Variants in ZNF169 observed in about 807,000 individuals in gnomAD.
ZNF169 encodes the protein zinc finger protein 169.
In ZNF169, 11 loss-of-function variants were observed where a neutral mutation model predicts 12.0. That is an observed-to-expected ratio of 0.92 (90% confidence interval 0.58 to 1.52). The LOEUF is 1.52. Ranked by LOEUF, ZNF169 falls within the 40% of genes most tolerant of loss-of-function variation. The probability of loss-of-function intolerance (pLI) is 0.00; values close to 1 mark genes in which losing one functional copy is unlikely to be tolerated. For synonymous variants in ZNF169, 302 were observed against 286.5 expected (o/e 1.05, Z -0.55); for missense variants, 722 against 744.0 (o/e 0.97, Z 0.34).
intron 2 of ZNF169, among the ~76,000 whole-genome samples, chr9:94,280,077 T>C (rs1022577291): frequency 2.0e-5 from 3 of 152,230 alleles, no homozygotes; most frequent in African/African-American, 7.2e-5. Flanking sequence ...CAGTTTTGCT[T>C]TGTGCTATAA....
At chr9:94,291,626 C>T (rs571549599) in intron 2 of ZNF169, among the ~76,000 whole-genome samples, 5 of 151,620 alleles carry the variant, frequency 3.3e-5, no homozygotes, top group South Asian at 2.1e-4. Context: ...GTCAGCTTGC[C>T]GTATAGAAGA....
intron 4 of ZNF169, among the ~76,000 whole-genome samples, chr9:94,299,029 G>T (rs1353545931): frequency 6.6e-6 from 1 of 152,192 alleles, no homozygotes; most frequent in Non-Finnish European, 1.5e-5. Context: ...TTCAAACGCT[G>T]AGCTTCTCCT....
intron 1 of ZNF169, among the ~76,000 whole-genome samples, chr9:94,268,991 A>G (rs3118763): frequency 0.97 from 147,983 of 151,982 alleles, 72,053 homozygotes; most frequent in East Asian, 1. Flanking sequence ...ATACAAACAT[A>G]CACACATGCA....
At chr9:94,269,358 G>C (rs750887136) in intron 1 of ZNF169, among the ~76,000 whole-genome samples, 2 of 152,152 alleles carry the variant, frequency 1.3e-5, no homozygotes, top group Non-Finnish European at 2.9e-5. Flanking sequence ...GTAGGCTCCT[G>C]ACATACTATC....
chr9:94,271,710 C>T (rs1220903392), intron 1 of ZNF169, among the ~76,000 whole-genome samples: 1 of 131,946 alleles, frequency 7.6e-6, no homozygotes, highest in Non-Finnish European at 1.6e-5. Context: ...CAGGGCAAGA[C>T]TCTGTCTCAA....
Position 94,270,794 on chromosome 9 carries a change from A to ATAT in ZNF169, c.-55-7964_-55-7963insTAT, listed in dbSNP as rs1370290495. Reference sequence around the variant, plus strand: ...GTTATATATTATATAAATATATATAAATAATATATATATTATATTATATAA... The same window carrying ATAT: ...GTTATATATTATATAAATATATATAATATATAATATATATATTATATTATATAA... On this transcript the variant is annotated intron_variant, in intron 1 of 4. Transcript: ENST00000395395. Among the ~76,000 whole-genome samples, 9 of 47,956 alleles carry ATAT rather than the reference A, an allele frequency of 1.9e-4. 1 individual carries two copies. In the East Asian group the frequency reaches 3.9e-3, roughly 21 times the overall value. The allele number at this position is 47,956 out of a possible 152,430, so 31.5% of individuals were successfully genotyped here.
chr9:94,262,913 A>C (rs1342951598), intron 1 of ZNF169, among the ~76,000 whole-genome samples: 1 of 152,208 alleles, frequency 6.6e-6, no homozygotes, highest in Non-Finnish European at 1.5e-5. Context: ...GTTTCTAGCT[A>C]TTCTTACTGA....
rs557051839 is a variant in ZNF169, at chr9:94,280,559, G to A, written c.33+1714G>A. ...TGTTCCTCAGTGCTGCAAAGAAACA[G>A]CATTCAAACATAAATTTAATTTTCT... On this transcript the variant is annotated intron_variant, in intron 2 of 4. Transcript: ENST00000395395. 5.3e-5 allele frequency among the ~76,000 whole-genome samples: 8 copies of A among 152,280 alleles called. No individual in the cohort carries two copies. The East Asian group carries it at 1.3e-3, about 26-fold the overall frequency.
chr9:94,282,073 G>C (rs906932040), intron 2 of ZNF169, among the ~76,000 whole-genome samples: 8 of 152,104 alleles, frequency 5.3e-5, no homozygotes, highest in Non-Finnish European at 7.4e-5. Flanking sequence ...GCAATTTTAA[G>C]GTATGGCAAG....
At chr9:94,292,197 A>G in intron 2 of ZNF169, 144 bp from the exon 3 acceptor site, 1 of 1,324,170 alleles carries the variant, frequency 7.6e-7, no homozygotes. Context: ...ATATGGAACC[A>G]GGTTTCAGGT....
intron 2 of ZNF169, among the ~76,000 whole-genome samples, chr9:94,290,437 T>C (rs1011695198): frequency 2.0e-5 from 3 of 152,064 alleles, no homozygotes; most frequent in Admixed American, 2.0e-4. Context: ...GTAACCTCTG[T>C]TTTACTTTGT....
chr9:94,280,709 C>T (rs542009467), intron 2 of ZNF169, among the ~76,000 whole-genome samples: 1 of 152,312 alleles, frequency 6.6e-6, no homozygotes, highest in African/African-American at 2.4e-5. Context: ...ACTGCTGTGT[C>T]ATTCCCCTGT....
At chr9:94,293,968 T>G (rs1386611186) in intron 4 of ZNF169, 1 of 152,296 alleles carries the variant, frequency 6.6e-6, no homozygotes, top group African/African-American at 2.4e-5. Context: ...ATTCCATGAC[T>G]GTCTTTATCC....
Position 94,278,995 on chromosome 9 carries a change from C to T in ZNF169, c.33+150C>T, listed in dbSNP as rs191462639. ...TGGAGTTTTCTCTCAGTCTTATTTG[C>T]TACATTTATGACTCAGTTATTTACC... On this transcript the variant is annotated intron_variant, in intron 2 of 4. Coordinates refer to ENST00000395395, the MANE Select transcript of ZNF169 (RefSeq NM_194320.4). The T allele has an allele frequency of 4.0e-6, 3 of 745,460 alleles. No homozygotes were observed. The Admixed American group carries it at 8.0e-5, about 20-fold the overall frequency. The allele number at this position is 745,460 out of a possible 1,614,324, so 46.2% of individuals were successfully genotyped here.
intron 1 of ZNF169, among the ~76,000 whole-genome samples, chr9:94,270,714 ATAT>A (rs1456881162): frequency 3.2e-5 from 1 of 31,588 alleles, no homozygotes; most frequent in African/African-American, 6.1e-5. Flanking sequence ...ATTATATAAT[ATAT>A]AATATTATAT....
chr9:94,281,290 A>T (rs2118603364), intron 2 of ZNF169, among the ~76,000 whole-genome samples: 1 of 152,336 alleles, frequency 6.6e-6, no homozygotes, highest in South Asian at 2.1e-4. Context: ...ATCAGATCTG[A>T]ATTATGTAGA....
intron 3 of ZNF169, 93 bp downstream of exon 3, chr9:94,292,560 GT>G (rs960312960): frequency 6.6e-7 from 1 of 1,525,636 alleles, no homozygotes; most frequent in Non-Finnish European, 8.8e-7. Context: ...CAGAAAAACA[GT>G]TTTTTCCCCT....
intron 1 of ZNF169, among the ~76,000 whole-genome samples, chr9:94,262,702 G>A (rs890810784): frequency 6.6e-6 from 1 of 151,870 alleles, no homozygotes; most frequent in Admixed American, 6.6e-5. Context: ...CTCGTGATCC[G>A]CCTGCCTCGG....
At chr9:94,261,870 T>C (rs1489010776) in intron 1 of ZNF169, among the ~76,000 whole-genome samples, 1 of 152,242 alleles carries the variant, frequency 6.6e-6, no homozygotes, top group African/African-American at 2.4e-5. Context: ...AATACTTCAG[T>C]GTTCAGTATG....
Sources: gnomAD v4.1 joint callset for allele counts (sites outside exome capture counted in the v4.1 genomes callset) on GRCh38, gnomAD v4.1.1 for gene constraint, MANE v1.5 for transcripts, NCBI Gene and HGNC (gene_info 2026-07-23, HGNC 2026-07-21) for gene names.